Variants in ADGRL3 observed in about 807,000 individuals in gnomAD.
ADGRL3 encodes calcium-independent alpha-latrotoxin receptor 3.
In ADGRL3, 62 loss-of-function variants were observed where a neutral mutation model predicts 153.5. The ratio of observed to expected loss-of-function variants is 0.40; its 90% confidence interval spans 0.33 to 0.50. ADGRL3 has a LOEUF of 0.50. Among genes scored for constraint, ADGRL3 ranks in the 20% least tolerant of loss-of-function variants. The probability of loss-of-function intolerance (pLI) is 0.47; values close to 1 mark genes in which losing one functional copy is unlikely to be tolerated. For missense variants in ADGRL3, 1,641 were observed against 1,859.4 expected (o/e 0.88, Z 2.16); for synonymous variants, 710 against 672.5 (o/e 1.06, Z -0.86).
chr4:61,863,585 T>A (rs1214919514), intron 9 of ADGRL3, among the ~76,000 whole-genome samples: 1 of 152,180 alleles, frequency 6.6e-6, no homozygotes, highest in East Asian at 1.9e-4. Flanking sequence ...TTTAGGAAAG[T>A]GGACATTTAT....
intron 1 of ADGRL3, among the ~76,000 whole-genome samples, chr4:61,264,686 C>A (rs67710116): frequency 0.13 from 20,449 of 151,798 alleles, 1,525 homozygotes; most frequent in East Asian, 0.27. Flanking sequence ...CAAACGTGCC[C>A]TTTACTAATA....
intron 1 of ADGRL3, among the ~76,000 whole-genome samples, chr4:61,311,153 A>G (rs2094988205): frequency 6.6e-6 from 1 of 152,206 alleles, no homozygotes; most frequent in Non-Finnish European, 1.5e-5. Flanking sequence ...TCAAGATAGT[A>G]TAGACTATGC....
chr4:61,364,248 G>T (rs1470653956), intron 1 of ADGRL3, among the ~76,000 whole-genome samples: 1 of 151,022 alleles, frequency 6.6e-6, no homozygotes. Context: ...CAGGGGAATC[G>T]CTTGAACCTG....
chr4:61,933,433 C>A (rs1392571132), intron 13 of ADGRL3, among the ~76,000 whole-genome samples: 2 of 151,990 alleles, frequency 1.3e-5, no homozygotes, highest in Non-Finnish European at 1.5e-5. Flanking sequence ...ACACCAAGAA[C>A]AAATGACGGA....
intron 18 of ADGRL3, among the ~76,000 whole-genome samples, chr4:61,980,993 A>G (rs1213814009): frequency 6.6e-6 from 1 of 152,240 alleles, no homozygotes; most frequent in East Asian, 1.9e-4. Context: ...TTTGGGTAAA[A>G]CCAGGGAGCA....
intron 4 of ADGRL3, among the ~76,000 whole-genome samples, chr4:61,523,357 G>T (rs1403215059): frequency 6.6e-6 from 1 of 152,052 alleles, no homozygotes; most frequent in Non-Finnish European, 1.5e-5. Flanking sequence ...TGCTGCAGGA[G>T]AATAATATAA....
At chr4:61,934,733 A>T (rs2098831189) in intron 13 of ADGRL3, 107 bp from the exon 14 acceptor site, 1 of 769,154 alleles carries the variant, frequency 1.3e-6, no homozygotes, top group African/African-American at 1.7e-5. Context: ...TACTGAACTC[A>T]TGCACACACT....
intron 5 of ADGRL3, among the ~76,000 whole-genome samples, chr4:61,624,358 A>G (rs1425901382): frequency 1.3e-5 from 2 of 152,108 alleles, no homozygotes; most frequent in Non-Finnish European, 2.9e-5. Context: ...GAAGAATGGG[A>G]TATAGAAAAT....
At chr4:61,343,301 G>T (rs531716941) in intron 1 of ADGRL3, among the ~76,000 whole-genome samples, 1 of 152,082 alleles carries the variant, frequency 6.6e-6, no homozygotes, top group Non-Finnish European at 1.5e-5. Flanking sequence ...CTTCCAACTC[G>T]CTTTCTCAGA....
intron 1 of ADGRL3, among the ~76,000 whole-genome samples, chr4:61,302,998 A>G (rs2094631283): frequency 6.6e-6 from 1 of 152,168 alleles, no homozygotes; most frequent in South Asian, 2.1e-4. Context: ...AAAAAATGAA[A>G]TCCATTCACA....
At chr4:61,611,928 T>A (rs2091411314) in intron 5 of ADGRL3, among the ~76,000 whole-genome samples, 1 of 151,952 alleles carries the variant, frequency 6.6e-6, no homozygotes, top group South Asian at 2.1e-4. Context: ...AAAAAATATA[T>A]ATATATTATA....
chr4:61,210,782 G>A (rs929492525), intron 1 of ADGRL3, among the ~76,000 whole-genome samples: 1 of 152,088 alleles, frequency 6.6e-6, no homozygotes, highest in African/African-American at 2.4e-5. Context: ...ACTTCAAGGC[G>A]TGGACAAAGA....
chr4:61,933,446 T>G (rs2098826103), intron 13 of ADGRL3, among the ~76,000 whole-genome samples: 1 of 152,148 alleles, frequency 6.6e-6, no homozygotes. Context: ...ATGACGGAGC[T>G]AAGCACACTA....
chr4:61,612,619 A>G (rs984595100), intron 5 of ADGRL3, among the ~76,000 whole-genome samples: 7 of 152,186 alleles, frequency 4.6e-5, no homozygotes, highest in Admixed American at 4.6e-4. Flanking sequence ...TACTAAAAAC[A>G]CTTTTAAAAA....
At chr4:61,508,608 G>T (rs2152858575) in intron 3 of ADGRL3, among the ~76,000 whole-genome samples, 2 of 152,090 alleles carry the variant, frequency 1.3e-5, no homozygotes, top group African/African-American at 4.8e-5. Context: ...AGTTATATTA[G>T]ATTCAGGGGG....
At chr4:61,441,542 C>T (rs546279664) in intron 2 of ADGRL3, among the ~76,000 whole-genome samples, 53 of 148,792 alleles carry the variant, frequency 3.6e-4, no homozygotes, top group East Asian at 3.0e-3. Context: ...TTCCTCCAGA[C>T]GGAGTCTTGC....
intron 5 of ADGRL3, among the ~76,000 whole-genome samples, chr4:61,657,509 G>A (rs907442630): frequency 6.6e-6 from 1 of 151,660 alleles, no homozygotes. Context: ...TATTCACATA[G>A]GTATTGTTCT....
chr4:61,286,076 A>G (rs186880351), intron 1 of ADGRL3, among the ~76,000 whole-genome samples: 1 of 151,660 alleles, frequency 6.6e-6, no homozygotes, highest in African/African-American at 2.4e-5. Context: ...TTAAAAATGA[A>G]ACTAGATCTT....
chr4:61,999,484 A>T (rs930261988), intron 21 of ADGRL3, among the ~76,000 whole-genome samples: 4 of 152,216 alleles, frequency 2.6e-5, no homozygotes, highest in Non-Finnish European at 5.9e-5. Flanking sequence ...TTATTAAGAT[A>T]TGATATATTA....
Sources: allele counts gnomAD v4.1 joint callset (sites outside exome capture counted in the v4.1 genomes callset), GRCh38; gene constraint gnomAD v4.1.1; transcripts MANE v1.5; gene names NCBI Gene and HGNC (gene_info 2026-07-23, HGNC 2026-07-21).